SCD5: variants seen among roughly 807,000 people sequenced by gnomAD.
SCD5 encodes the protein acyl-CoA-desaturase 4.
In SCD5, 20 loss-of-function variants were observed where a neutral mutation model predicts 30.4. That is an observed-to-expected ratio of 0.66 (90% confidence interval 0.46 to 0.96). The LOEUF is 0.96. Ranked by LOEUF, SCD5 falls within the 40% of genes least tolerant of loss-of-function variation. The probability of loss-of-function intolerance (pLI) is 0.00; values close to 1 mark genes in which losing one functional copy is unlikely to be tolerated. For synonymous variants in SCD5, 173 were observed against 176.4 expected (o/e 0.98, Z 0.16); for missense variants, 381 against 443.3 (o/e 0.86, Z 1.26).
intron 1 of SCD5, among the ~76,000 whole-genome samples, chr4:82,712,004 T>A (rs909098962): frequency 6.6e-5 from 10 of 151,566 alleles, no homozygotes; most frequent in African/African-American, 2.4e-4. Flanking sequence ...GAGCTACCAT[T>A]GACTGAGAGC....
chr4:82,731,207 T>C (rs1560546732), intron 1 of SCD5, among the ~76,000 whole-genome samples: 1 of 152,194 alleles, frequency 6.6e-6, no homozygotes, highest in Non-Finnish European at 1.5e-5. Context: ...CTTCTCCTGG[T>C]AGCCAGCTGG....
rs549876221 is a variant in SCD5, at chr4:82,719,454, T to C, written c.233-14041A>G. 4.8e-4 allele frequency among the ~76,000 whole-genome samples: 73 copies of C among 151,640 alleles called. 1 individual carries two copies. The highest frequency in any genetic ancestry group is 1.7e-3 in the African/African-American group (70 of 41,104). On this transcript the variant is annotated intron_variant, in intron 1 of 4. Transcript: ENST00000319540. Reference sequence around the variant, plus strand: ...ATAGTAATAAGTACATAATCATGAGTCTAGCCTCGATTATAGTTGTCTTTA... The same window carrying C: ...ATAGTAATAAGTACATAATCATGAGCCTAGCCTCGATTATAGTTGTCTTTA...
chr4:82,730,464 T>C (rs1474120589), intron 1 of SCD5, among the ~76,000 whole-genome samples: 1 of 150,494 alleles, frequency 6.6e-6, no homozygotes, highest in Non-Finnish European at 1.5e-5. Flanking sequence ...GCCTGGCTAA[T>C]TTTTTGTATT....
intron 1 of SCD5, among the ~76,000 whole-genome samples, chr4:82,784,861 C>CT (rs1335763999): frequency 6.6e-6 from 1 of 152,226 alleles, no homozygotes; most frequent in African/African-American, 2.4e-5. Flanking sequence ...GATTTAAGCC[C>CT]TGCAGCTGGG....
chr4:82,772,301 T>C (rs1721642270), intron 1 of SCD5, among the ~76,000 whole-genome samples: 1 of 152,224 alleles, frequency 6.6e-6, no homozygotes, highest in African/African-American at 2.4e-5. Flanking sequence ...AAGTATCCTT[T>C]GGATCTGCCA....
chr4:82,739,134 C>T (rs185636680), intron 1 of SCD5, among the ~76,000 whole-genome samples: 3 of 152,306 alleles, frequency 2.0e-5, no homozygotes, highest in East Asian at 1.9e-4. Flanking sequence ...CCTCAATCTG[C>T]GATTTCCCAG....
intron 3 of SCD5, among the ~76,000 whole-genome samples, chr4:82,668,208 C>T (rs1162094467): frequency 6.6e-6 from 1 of 152,102 alleles, no homozygotes; most frequent in Non-Finnish European, 1.5e-5. Flanking sequence ...AGGAACAAAG[C>T]TGTCTGGCAG....
chr4:82,798,430 TG>T lies in SCD5; in HGVS notation c.107del (p.Pro36GlnfsTer17). 1 of 1,613,196 alleles carries T rather than the reference TG, an allele frequency of 6.2e-7. No individual in the cohort carries two copies. The highest frequency in any genetic ancestry group is 8.5e-7 in the Non-Finnish European group (1 of 1,179,642). On this transcript the variant is annotated frameshift_variant, in exon 1 of 5. Transcript: ENST00000319540. LOFTEE classifies it high-confidence loss of function. ...SSEGGGGPER[P>X]GARGQRQNIV... ...TGTTCTGCCGCTGCCCGCGCGCGCCTGGCCTCTCCGGGCCGCCGCCGCCCTC... is the reference window on the plus strand; with the variant it reads ...TGTTCTGCCGCTGCCCGCGCGCGCCTGCCTCTCCGGGCCGCCGCCGCCCTC...
chr4:82,729,850 G>C (rs190020458), intron 1 of SCD5, among the ~76,000 whole-genome samples: 49 of 152,300 alleles, frequency 3.2e-4, no homozygotes, highest in Admixed American at 2.9e-3. Flanking sequence ...CCAGCCCGGA[G>C]AGGGCACCAG....
intron 3 of SCD5, 74 bp downstream of exon 3, chr4:82,680,633 T>C: frequency 7.4e-7 from 1 of 1,358,278 alleles, no homozygotes; most frequent in Non-Finnish European, 1.1e-6. Flanking sequence ...TATGGGGTTA[T>C]GAGTCCACCT....
At chr4:82,760,057 AT>A (rs529345164) in intron 1 of SCD5, among the ~76,000 whole-genome samples, 20 of 152,024 alleles carry the variant, frequency 1.3e-4, no homozygotes, top group Admixed American at 1.3e-3. Flanking sequence ...GCAATTTCCC[AT>A]TCCATCTCCC....
chr4:82,643,936 A>C (rs1036285379), intron 3 of SCD5, among the ~76,000 whole-genome samples: 32 of 152,198 alleles, frequency 2.1e-4, no homozygotes, highest in Non-Finnish European at 4.3e-4. Flanking sequence ...TAAGCTGTTG[A>C]GCCACTGAAC....
chr4:82,668,710 G>C (rs1412179896), intron 3 of SCD5, among the ~76,000 whole-genome samples: 1 of 152,190 alleles, frequency 6.6e-6, no homozygotes, highest in Non-Finnish European at 1.5e-5. Flanking sequence ...GCCAAGTTTG[G>C]TTTCCCTGCT....
chr4:82,739,381 G>A (rs1387743305), intron 1 of SCD5, among the ~76,000 whole-genome samples: 3 of 152,214 alleles, frequency 2.0e-5, no homozygotes, highest in African/African-American at 2.4e-5. Context: ...TGGATGATAC[G>A]GTTTCTAACA....
At chr4:82,797,662 C>T (rs529447545) in intron 1 of SCD5, among the ~76,000 whole-genome samples, 2 of 152,078 alleles carry the variant, frequency 1.3e-5, no homozygotes, top group South Asian at 4.2e-4. Flanking sequence ...GATCGGTTTG[C>T]TCACCGAGAA....
At position 82,680,745 on chromosome 4, in the gene SCD5, A is replaced by G. The variant is rs1466408073; in HGVS notation, c.531T>C (p.Thr177=). ...VIEKGRKLDV[T]DLLADPVVRI... Reference sequence around the variant, plus strand: ...GGACCACAGGATCAGCAAGCAGGTCAGTGACGTCAAGCTTTCTCCCCTTCT... The same window carrying G: ...GGACCACAGGATCAGCAAGCAGGTCGGTGACGTCAAGCTTTCTCCCCTTCT... The change falls in exon 3 of 5, where the codon ACT becomes ACC. Residue 177 remains threonine, a synonymous_variant. Coordinates refer to ENST00000319540, the MANE Select transcript of SCD5 (RefSeq NM_001037582.3). 3 of 1,614,172 alleles carry G rather than the reference A, an allele frequency of 1.9e-6. No homozygotes were observed. In the Admixed American group the frequency reaches 5.0e-5, roughly 27 times the overall value.
intron 3 of SCD5, among the ~76,000 whole-genome samples, chr4:82,657,358 C>G (rs944247095): frequency 1.3e-5 from 2 of 152,150 alleles, no homozygotes; most frequent in African/African-American, 4.8e-5. Flanking sequence ...AATAGGGAAT[C>G]CTTTTCCCAT....
At chr4:82,738,029 CA>C (rs1309984007) in intron 1 of SCD5, among the ~76,000 whole-genome samples, 2 of 148,292 alleles carry the variant, frequency 1.3e-5, no homozygotes, top group Non-Finnish European at 3.0e-5. Context: ...AAAACAACAA[CA>C]AAAAATAAGA....
At chr4:82,722,402 T>C (rs1255216302) in intron 1 of SCD5, among the ~76,000 whole-genome samples, 2 of 152,214 alleles carry the variant, frequency 1.3e-5, no homozygotes, top group African/African-American at 4.8e-5. Flanking sequence ...TAAGTAATTG[T>C]TATGTTTTTG....
Sources: allele counts gnomAD v4.1 joint callset (sites outside exome capture counted in the v4.1 genomes callset), GRCh38; gene constraint gnomAD v4.1.1; transcripts MANE v1.5; gene names NCBI Gene and HGNC (gene_info 2026-07-23, HGNC 2026-07-21).